Variants in TBL1XR1 observed in about 807,000 individuals in gnomAD.
The protein encoded by TBL1XR1 is TBL1X/Y related 1.
TBL1XR1 carries 5 observed loss-of-function variants against 66.9 expected under a neutral mutation model. That is an observed-to-expected ratio of 0.07 (90% CI 0.04 to 0.16). TBL1XR1 has a LOEUF of 0.16. Among genes scored for constraint, TBL1XR1 ranks in the 10% least tolerant of loss-of-function variants. The pLI is 1.00. For missense variants in TBL1XR1, 238 were observed against 623.2 expected (o/e 0.38, Z 6.58); for synonymous variants, 210 against 206.0 (o/e 1.02, Z -0.17).
Position 177,147,047 on chromosome 3 carries a change from C to CT in TBL1XR1, c.-121-48507dup, listed in dbSNP as rs559312015. ...TGCTTCATCAAGGAGATTCCTAAGACTTTTTTTTTTTTTTTAAGAGATGTA... is the reference window on the plus strand; with the variant it reads ...TGCTTCATCAAGGAGATTCCTAAGACTTTTTTTTTTTTTTTTAAGAGATGTA... On this transcript the variant is annotated intron_variant, in intron 1 of 15. Coordinates refer to ENST00000457928, the MANE Select transcript of TBL1XR1 (RefSeq NM_024665.7). Among the ~76,000 whole-genome samples, 628 of 140,902 alleles carry CT rather than the reference C, an allele frequency of 4.5e-3. 4 individuals are homozygous for CT. The highest frequency in any genetic ancestry group is 0.011 in the Middle Eastern group (3 of 268). 92.4% of individuals were successfully genotyped at this position (140,902 alleles called of 152,430 possible).
At chr3:177,134,788 T>C (rs974642533) in intron 1 of TBL1XR1, among the ~76,000 whole-genome samples, 3 of 152,170 alleles carry the variant, frequency 2.0e-5, no homozygotes, top group African/African-American at 4.8e-5. Flanking sequence ...GTTATATCTA[T>C]ACGTCTCTAG....
At chr3:177,186,108 G>A (rs1370689257) in intron 1 of TBL1XR1, among the ~76,000 whole-genome samples, 1 of 152,184 alleles carries the variant, frequency 6.6e-6, no homozygotes, top group Admixed American at 6.6e-5. Context: ...ACACAAGGAA[G>A]TCCAAGGTCA....
At chr3:177,115,509 G>A (rs781501924) in intron 1 of TBL1XR1, among the ~76,000 whole-genome samples, 4 of 152,100 alleles carry the variant, frequency 2.6e-5, no homozygotes, top group Admixed American at 2.0e-4. Context: ...ACACCCCTTT[G>A]CTCTGCCTCC....
At chr3:177,140,379 G>A (rs1204129007) in intron 1 of TBL1XR1, among the ~76,000 whole-genome samples, 1 of 152,174 alleles carries the variant, frequency 6.6e-6, no homozygotes, top group Admixed American at 6.5e-5. Flanking sequence ...CAGGTTACCA[G>A]GTGAGCAGCC....
At chr3:177,037,979 A>C in intron 12 of TBL1XR1, 119 bp downstream of exon 12, 1 of 744,012 alleles carries the variant, frequency 1.3e-6, no homozygotes, top group Non-Finnish European at 2.2e-6. Context: ...AAAATGTTGG[A>C]GTTTTCATGC....
chr3:177,036,444 T>C (rs1384063209), intron 12 of TBL1XR1, among the ~76,000 whole-genome samples: 1 of 152,210 alleles, frequency 6.6e-6, no homozygotes, highest in African/African-American at 2.4e-5. Flanking sequence ...TTAAAATCCT[T>C]TGTGACATTT....
At chr3:177,126,375 A>G (rs1176763360) in intron 1 of TBL1XR1, among the ~76,000 whole-genome samples, 1 of 152,262 alleles carries the variant, frequency 6.6e-6, no homozygotes, top group Non-Finnish European at 1.5e-5. Flanking sequence ...AAAAATGGTA[A>G]TATTAATAAT....
At chr3:177,152,811 T>G (rs1731051165) in intron 1 of TBL1XR1, among the ~76,000 whole-genome samples, 1 of 152,206 alleles carries the variant, frequency 6.6e-6, no homozygotes, top group African/African-American at 2.4e-5. Context: ...CCTTTGCTCT[T>G]TTTCCATTTT....
intron 2 of TBL1XR1, among the ~76,000 whole-genome samples, chr3:177,071,572 G>A (rs1480705284): frequency 6.6e-6 from 1 of 152,114 alleles, no homozygotes; most frequent in Non-Finnish European, 1.5e-5. Flanking sequence ...ATATGTGATT[G>A]ATAACAGCCC....
intron 1 of TBL1XR1, among the ~76,000 whole-genome samples, chr3:177,190,047 C>A (rs1735942107): frequency 6.9e-6 from 1 of 144,686 alleles, no homozygotes; most frequent in South Asian, 2.3e-4. Context: ...GCAGGAAAAT[C>A]GCTTGAACCC....
Position 177,021,479 on chromosome 3 carries a change from A to G in TBL1XR1, c.*4019T>C, listed in dbSNP as rs1712347489. On this transcript the variant is annotated 3_prime_UTR_variant, in exon 16 of 16. Transcript: ENST00000457928. The stretch of plus-strand genomic sequence containing the variant: ...TACCTCAGAACTACTGATATAAGAC[A>G]TCAAATTTCTAAATCAGTGTATTAA... 6.6e-6 allele frequency: 1 copy of G among 152,604 alleles called. No homozygotes were observed. The highest frequency in any genetic ancestry group is 2.1e-4 in the South Asian group (1 of 4,836). The allele number at this position is 152,604 out of a possible 1,614,324, so 9.5% of individuals were successfully genotyped here. A position where few individuals can be genotyped will look rare whatever the true frequency, so the allele number is the denominator to read the frequency against.
rs531409168 is a variant in TBL1XR1 at position 177,157,399 on chromosome 3, A to G, written c.-122+39722T>C. Reference sequence around the variant, plus strand: ...ATTAGTCCTATCACCCTCTCACTACAGATTTTAAGGATCTGTATGATGAGA... The same window carrying G: ...ATTAGTCCTATCACCCTCTCACTACGGATTTTAAGGATCTGTATGATGAGA... On this transcript the variant is annotated intron_variant, in intron 1 of 15. Transcript: ENST00000457928. Among the ~76,000 whole-genome samples the G allele has an allele frequency of 1.6e-4, 24 of 152,296 alleles. 1 individual carries two copies. The highest frequency in any genetic ancestry group is 6.8e-3 in the Middle Eastern group (2 of 294).
intron 1 of TBL1XR1, among the ~76,000 whole-genome samples, chr3:177,143,159 T>G (rs2108825668): frequency 6.6e-6 from 1 of 152,010 alleles, no homozygotes; most frequent in South Asian, 2.1e-4. Flanking sequence ...TGACTCTAAA[T>G]GCAATATTAA....
chr3:177,034,511 T>TAA (rs5854736), intron 12 of TBL1XR1, among the ~76,000 whole-genome samples, 186 bp from the exon 13 acceptor site: 42 of 150,066 alleles, frequency 2.8e-4, no homozygotes, highest in African/African-American at 9.0e-4. Flanking sequence ...CATCTCTGTT[T>TAA]AAAAAAAAAA....
upstream of TBL1XR1, chr3:177,201,777 C>A (rs1027654911): frequency 6.6e-6 from 1 of 152,166 alleles, no homozygotes; most frequent in African/African-American, 2.4e-5. Flanking sequence ...GCGTTTACCC[C>A]CAGGCGTCTT....
intron 1 of TBL1XR1, among the ~76,000 whole-genome samples, chr3:177,187,574 A>G (rs1025555078): frequency 1.9e-4 from 29 of 152,124 alleles, no homozygotes; most frequent in South Asian, 8.3e-4. Context: ...GAATTGGTTT[A>G]AAAATACTTG....
At chr3:177,107,627 C>G (rs1725037004) in intron 1 of TBL1XR1, among the ~76,000 whole-genome samples, 1 of 152,160 alleles carries the variant, frequency 6.6e-6, no homozygotes, top group African/African-American at 2.4e-5. Flanking sequence ...CCAGCAAACA[C>G]AAGCTGTGTT....
At position 177,064,906 on chromosome 3, in the gene TBL1XR1, A is replaced by T. The variant is rs1377309283; in HGVS notation, c.58+14T>A. 6.8e-7 allele frequency: 1 copy of T among 1,480,788 alleles called. No homozygotes were observed. Among genetic ancestry groups the T allele is most frequent in the Middle Eastern group, 2.0e-4 (1 of 5,006 alleles). 91.7% of individuals were successfully genotyped at this position (1,480,788 alleles called of 1,614,324 possible). Reference sequence around the variant, plus strand: ...AAATAATTTGAGGCCTATTTACTTTATAAAAGTACTCACCTGACTCTTGCA... The same window carrying T: ...AAATAATTTGAGGCCTATTTACTTTTTAAAAGTACTCACCTGACTCTTGCA... On this transcript the variant is annotated intron_variant, in intron 3 of 15. Transcript: ENST00000457928.
chr3:177,096,540 C>A (rs1008627877), intron 2 of TBL1XR1, among the ~76,000 whole-genome samples: 2 of 152,146 alleles, frequency 1.3e-5, no homozygotes, highest in Non-Finnish European at 2.9e-5. Context: ...CTTCATGACA[C>A]CTGTATCTCA....
Sources: gnomAD v4.1 joint callset for allele counts (sites outside exome capture counted in the v4.1 genomes callset) on GRCh38, gnomAD v4.1.1 for gene constraint, MANE v1.5 for transcripts, NCBI Gene and HGNC (gene_info 2026-07-23, HGNC 2026-07-21) for gene names.